PDE1C: variants seen among roughly 807,000 people sequenced by gnomAD.
PDE1C encodes phosphodiesterase 1C, also known as dual specificity calcium/calmodulin-dependent 3',5'-cyclic nucleotide phosphodiesterase 1C.
PDE1C carries 62 observed loss-of-function variants against 93.1 expected under a neutral mutation model. That is an observed-to-expected ratio of 0.67 (90% confidence interval 0.54 to 0.82). PDE1C has a LOEUF of 0.82. Ranked by LOEUF, PDE1C falls within the 40% of genes least tolerant of loss-of-function variation. The pLI, the probability that PDE1C is intolerant of heterozygous loss-of-function variation, is 0.00. For missense variants in PDE1C, 742 were observed against 884.6 expected, an observed-to-expected ratio of 0.84 and a Z score of 2.04; for synonymous variants, 325 against 310.1, an observed-to-expected ratio of 1.05 and a Z score of -0.50.
At chr7:32,156,718 C>T (rs1801597376) in intron 3 of PDE1C, among the ~76,000 whole-genome samples, 1 of 152,180 alleles carries the variant, frequency 6.6e-6, no homozygotes. Context: ...AGTCAAATAT[C>T]ATCCAATACA....
intron 1 of PDE1C, among the ~76,000 whole-genome samples, chr7:32,242,848 C>G (rs1808639670): frequency 6.6e-6 from 1 of 152,092 alleles, no homozygotes; most frequent in African/African-American, 2.4e-5. Context: ...GTAAAGTGGC[C>G]ATTCAGTGAA....
chr7:32,155,121 C>T (rs1801492437), intron 3 of PDE1C, among the ~76,000 whole-genome samples: 2 of 152,210 alleles, frequency 1.3e-5, no homozygotes, highest in Admixed American at 6.5e-5. Flanking sequence ...GGCAAATCCA[C>T]AGCAGCATCA....
chr7:31,736,955 TA>T, the PDE1C span, among the ~76,000 whole-genome samples: 6 of 151,348 alleles, frequency 4.0e-5, no homozygotes, highest in East Asian at 1.9e-4. Flanking sequence ...TTTCCCCCTT[TA>T]AAAAAAACAA....
chr7:32,206,153 A>C (rs895516309), intron 2 of PDE1C, among the ~76,000 whole-genome samples: 3 of 152,164 alleles, frequency 2.0e-5, no homozygotes, highest in East Asian at 3.9e-4. Context: ...CCCAGAGCTT[A>C]CATGGTGGCT....
chr7:32,275,291 T>C (rs1264338008), intron 1 of PDE1C, among the ~76,000 whole-genome samples: 1 of 151,884 alleles, frequency 6.6e-6, no homozygotes, highest in Non-Finnish European at 1.5e-5. Context: ...ATTTCCAAGC[T>C]AATGAGGAAA....
chr7:31,814,038 G>A (rs201814865), intron 15 of PDE1C, among the ~76,000 whole-genome samples: 23 of 128,406 alleles, frequency 1.8e-4, no homozygotes, highest in African/African-American at 6.0e-4. Context: ...GTGTGTGTGT[G>A]TATACATATA....
At chr7:31,721,906 C>T in the PDE1C span, among the ~76,000 whole-genome samples, 4 of 152,192 alleles carry the variant, frequency 2.6e-5, no homozygotes, top group African/African-American at 9.6e-5. Flanking sequence ...CTCATTTTAT[C>T]TTCACAACAA....
chr7:32,374,195 AGAGGG>A (rs1784383986), intron 1 of PDE1C, among the ~76,000 whole-genome samples: 36 of 144,248 alleles, frequency 2.5e-4, no homozygotes, highest in African/African-American at 9.8e-4. Context: ...AGAAAGAAAG[AGAGGG>A]AAAGAGAGGG....
intron 6 of PDE1C, among the ~76,000 whole-genome samples, chr7:31,868,097 C>A (rs1453409382): frequency 1.3e-5 from 2 of 152,226 alleles, no homozygotes; most frequent in Non-Finnish European, 2.9e-5. Flanking sequence ...GACTGTTTAA[C>A]AAGATGCAAA....
chr7:32,180,046 G>C (rs1001945874), intron 2 of PDE1C, among the ~76,000 whole-genome samples: 1 of 152,106 alleles, frequency 6.6e-6, no homozygotes, highest in African/African-American at 2.4e-5. Context: ...GGATACATAG[G>C]AATTAGGAAT....
At chr7:32,001,487 T>C (rs1785444793) in intron 2 of PDE1C, among the ~76,000 whole-genome samples, 1 of 152,162 alleles carries the variant, frequency 6.6e-6, no homozygotes, top group African/African-American at 2.4e-5. Context: ...TGTGAGGCTG[T>C]GAGCTCCATG....
the PDE1C span, chr7:31,653,768 T>C: frequency 6.6e-6 from 1 of 152,200 alleles, no homozygotes; most frequent in African/African-American, 2.4e-5. Context: ...AACATGTACG[T>C]ACATTTATTA....
the PDE1C span, among the ~76,000 whole-genome samples, chr7:31,660,665 A>G: frequency 6.6e-6 from 1 of 151,728 alleles, no homozygotes; most frequent in African/African-American, 2.4e-5. Context: ...GTCAGCCCTT[A>G]TTTTTCCATT....
Position 31,809,058 on chromosome 7 carries a change from T to C in PDE1C, c.1864A>G (p.Ile622Val), listed in dbSNP as rs377395708. The C allele has an allele frequency of 4.1e-5, 65 of 1,591,774 alleles. No homozygotes were observed. The African/African-American group carries it at 6.6e-4, about 16-fold the overall frequency. ...NKTDKKDHSN[I>V]GNDSKKTDGT... ...TCTGTTTTCTTTGAATCATTTCCGA[T>C]GTTAGAGTGATCCTTCTTGTCTGTC... Residue 622 changes from isoleucine (I) to valine (V), a missense_variant, in exon 16 of 18, where the codon ATC becomes GTC. Around this residue, in one of 4 missense-constraint regions of PDE1C, gnomAD observed 454 missense variants for 459.4 expected, o/e 0.99. Coordinates refer to ENST00000396191, the MANE Select transcript of PDE1C (RefSeq NM_001191057.4).
chr7:31,672,800 G>A, the PDE1C span, among the ~76,000 whole-genome samples: 2 of 152,312 alleles, frequency 1.3e-5, no homozygotes, highest in African/African-American at 2.4e-5. Flanking sequence ...GTTTGGCTCT[G>A]TGTCCCCACC....
intron 2 of PDE1C, among the ~76,000 whole-genome samples, chr7:31,906,179 C>T (rs193114157): frequency 6.6e-6 from 1 of 152,328 alleles, no homozygotes; most frequent in Admixed American, 6.5e-5. Context: ...CGATAACCTT[C>T]TTCTCTTTAT....
intron 3 of PDE1C, among the ~76,000 whole-genome samples, chr7:32,152,609 G>A (rs937363426): frequency 1.3e-5 from 2 of 152,122 alleles, no homozygotes; most frequent in Non-Finnish European, 2.9e-5. Flanking sequence ...GATGCCCTTC[G>A]ACCCAGTGTT....
At chr7:31,775,374 C>T (rs979354097) in intron 17 of PDE1C, among the ~76,000 whole-genome samples, 2 of 152,162 alleles carry the variant, frequency 1.3e-5, no homozygotes, top group Non-Finnish European at 1.5e-5. Context: ...CACGATCTGC[C>T]TCTACAAGGC....
In PDE1C at chr7:32,134,884, C is replaced by A. The variant is rs532793235; in HGVS notation, c.308+34901G>T. On this transcript the variant is annotated intron_variant, in intron 3 of 18. Coordinates refer to the PDE1C transcript ENST00000396193. ...GGCACATGTATACCCATGTAACAAACCTGCACGTTCTGCACATGTATCCCA... is the reference window on the plus strand; with the variant it reads ...GGCACATGTATACCCATGTAACAAAACTGCACGTTCTGCACATGTATCCCA... Among the ~76,000 whole-genome samples, 8 of 152,256 alleles carry A rather than the reference C, an allele frequency of 5.3e-5. No homozygotes were observed. In the East Asian group the frequency reaches 1.3e-3, roughly 26 times the overall value.
Sources: gnomAD v4.1 joint callset for allele counts (sites outside exome capture counted in the v4.1 genomes callset) on GRCh38, gnomAD v4.1.1 for gene constraint, gnomAD v4.1.1 regional missense constraint, MANE v1.5 for transcripts, NCBI Gene and HGNC (gene_info 2026-07-23, HGNC 2026-07-21) for gene names.